MSANTD5: variants seen among roughly 807,000 people sequenced by gnomAD.
MSANTD5 encodes the protein Myb/SANT DNA binding domain containing 5.
the MSANTD5 span, among the ~76,000 whole-genome samples, chr5:178,707,424 T>C: frequency 2.6e-5 from 4 of 151,858 alleles, no homozygotes; most frequent in East Asian, 1.9e-4. Context: ...GAATAACAAT[T>C]GTTTGCACTT....
downstream of MSANTD5, among the ~76,000 whole-genome samples, chr5:178,692,124 A>G (rs1765362837): frequency 7.5e-6 from 1 of 133,480 alleles, no homozygotes; most frequent in Non-Finnish European, 1.7e-5. Flanking sequence ...TCATGCCTGT[A>G]ATCCCAGCAC....
the MSANTD5 span, among the ~76,000 whole-genome samples, chr5:178,703,044 G>A: frequency 2.0e-5 from 3 of 152,174 alleles, no homozygotes; most frequent in African/African-American, 7.2e-5. Context: ...AAAGACACAC[G>A]AGAGAGCACC....
the MSANTD5 span, among the ~76,000 whole-genome samples, chr5:178,706,103 G>T: frequency 6.6e-6 from 1 of 152,178 alleles, no homozygotes; most frequent in African/African-American, 2.4e-5. Context: ...GCTGCATTTT[G>T]TGAAATGCTT....
At chr5:178,702,411 C>T (rs959865806), upstream of MSANTD5, among the ~76,000 whole-genome samples, 4 of 148,948 alleles carry the variant, frequency 2.7e-5, no homozygotes, top group South Asian at 2.1e-4. Flanking sequence ...GGCGATTCTT[C>T]GGCCTCAGCC....
the MSANTD5 span, among the ~76,000 whole-genome samples, chr5:178,705,821 G>A: frequency 6.6e-5 from 10 of 152,102 alleles, no homozygotes; most frequent in Non-Finnish European, 1.3e-4. Flanking sequence ...GCTGGGCGTG[G>A]TGGTGGGCGC....
chr5:178,704,948 C>A, the MSANTD5 span, among the ~76,000 whole-genome samples: 48 of 152,220 alleles, frequency 3.2e-4, 1 homozygote, highest in East Asian at 6.2e-3. Flanking sequence ...ATCGCTGTGC[C>A]GGACGGGAGC....
chr5:178,700,595 C>G (rs1232390078), upstream of MSANTD5, among the ~76,000 whole-genome samples: 2 of 60,268 alleles, frequency 3.3e-5, no homozygotes, highest in Non-Finnish European at 8.8e-5. Context: ...TGCCAGGCTT[C>G]AGGCTAGCAC....
downstream of MSANTD5, among the ~76,000 whole-genome samples, chr5:178,692,333 T>C (rs1765365995): frequency 6.7e-6 from 1 of 149,548 alleles, no homozygotes; most frequent in Non-Finnish European, 1.5e-5. Flanking sequence ...TGAGCTGAGA[T>C]TGCACCGCTG....
chr5:178,692,679 CA>C (rs1157140750), downstream of MSANTD5, among the ~76,000 whole-genome samples: 2 of 152,150 alleles, frequency 1.3e-5, no homozygotes, highest in East Asian at 3.9e-4. Context: ...AAGCTATTCC[CA>C]AAAGGCTACA....
At chr5:178,698,817 T>C (rs571419712), upstream of MSANTD5, among the ~76,000 whole-genome samples, 8 of 149,444 alleles carry the variant, frequency 5.4e-5, no homozygotes, top group East Asian at 1.4e-3. Flanking sequence ...TTGTGAACTC[T>C]TCATTTCAAG....
chr5:178,699,304 C>T (rs1765452396), upstream of MSANTD5, among the ~76,000 whole-genome samples: 1 of 152,240 alleles, frequency 6.6e-6, no homozygotes, highest in African/African-American at 2.4e-5. Context: ...GGTTTCTGCC[C>T]TGCTATAAAT....
the MSANTD5 span, chr5:178,706,981 T>G: frequency 6.6e-6 from 1 of 152,204 alleles, no homozygotes; most frequent in Non-Finnish European, 1.5e-5. Flanking sequence ...GGGCTCCAAG[T>G]AAACAGATCT....
chr5:178,701,067 A>G (rs548570018), upstream of MSANTD5, among the ~76,000 whole-genome samples: 8 of 152,156 alleles, frequency 5.3e-5, no homozygotes, highest in South Asian at 6.2e-4. Context: ...TCTGCCTCCC[A>G]GGTTCACGCC....
the MSANTD5 span, among the ~76,000 whole-genome samples, chr5:178,703,942 C>T: frequency 6.7e-6 from 1 of 149,072 alleles, no homozygotes; most frequent in African/African-American, 2.5e-5. Flanking sequence ...GATCACGCCA[C>T]TGCACTCCAG....
chr5:178,706,086 A>G, the MSANTD5 span, among the ~76,000 whole-genome samples: 19 of 152,204 alleles, frequency 1.2e-4, no homozygotes, highest in Non-Finnish European at 2.5e-4. Context: ...GTGTAACTGT[A>G]GAGTTAGCTG....
the MSANTD5 span, among the ~76,000 whole-genome samples, chr5:178,704,900 A>C: frequency 6.6e-6 from 1 of 152,162 alleles, no homozygotes; most frequent in Non-Finnish European, 1.5e-5. Flanking sequence ...TGGAGAGTGG[A>C]GACAGAGGGG....
chr5:178,706,368 C>T, the MSANTD5 span, among the ~76,000 whole-genome samples: 1 of 152,180 alleles, frequency 6.6e-6, no homozygotes, highest in African/African-American at 2.4e-5. Flanking sequence ...AAATGGTCCT[C>T]CTCGGGGACA....
At chr5:178,692,033 A>G (rs1180786230), downstream of MSANTD5, among the ~76,000 whole-genome samples, 3 of 127,358 alleles carry the variant, frequency 2.4e-5, 1 homozygote, top group Admixed American at 1.6e-4. Flanking sequence ...GTGGGGATGT[A>G]GAATGACACG....
upstream of MSANTD5, among the ~76,000 whole-genome samples, chr5:178,700,313 G>T (rs191764231): frequency 8.5e-5 from 13 of 152,146 alleles, 1 homozygote; most frequent in African/African-American, 2.7e-4. Flanking sequence ...GGTGAATCCC[G>T]TGATAGGACA....
Sources: allele counts gnomAD v4.1 joint callset (sites outside exome capture counted in the v4.1 genomes callset), GRCh38; gene constraint gnomAD v4.1.1; transcripts MANE v1.5; gene names NCBI Gene and HGNC (gene_info 2026-07-23, HGNC 2026-07-21).